The following COL18A1 variants were observed in gnomAD, a reference collection of about 807,000 sequenced individuals.
The protein encoded by COL18A1 is collagen alpha-1(XVIII) chain.
Under a neutral mutation model 168.0 loss-of-function variants are expected in COL18A1, and 133 were observed. The ratio of observed to expected loss-of-function variants is 0.79; its 90% CI spans 0.69 to 0.91. The LOEUF is 0.91. Ranked by LOEUF, COL18A1 falls within the 40% of genes least tolerant of loss-of-function variation. The pLI, the probability that COL18A1 is intolerant of heterozygous loss-of-function variation, is 0.00. For missense variants in COL18A1, 2,126 were observed against 1,925.4 expected (o/e 1.10, Z -1.95); for synonymous variants, 949 against 809.0 (o/e 1.17, Z -2.94).
At chr21:45,454,599 A>G (rs577842199) in intron 2 of COL18A1, among the ~76,000 whole-genome samples, 43 of 152,226 alleles carry the variant, frequency 2.8e-4, no homozygotes, top group Non-Finnish European at 5.7e-4. Flanking sequence ...CGGGGTCACC[A>G]GGCTCATGCC....
Position 45,468,733 on chromosome 21 carries a change from G to A in COL18A1, c.598G>A (p.Gly200Ser), listed in dbSNP as rs370834739. The A allele has an allele frequency of 2.4e-5, 39 of 1,610,974 alleles. No individual in the cohort carries two copies. The highest frequency in any genetic ancestry group is 3.0e-5 in the Non-Finnish European group (35 of 1,179,866). Residue 200 changes from glycine (G) to serine (S), a missense_variant, in exon 3 of 42, where the codon GGC (glycine) becomes AGC (serine). By Grantham distance (56) the Gly-to-Ser change is moderately conservative. Coordinates refer to ENST00000651438, the MANE Select transcript of COL18A1 (RefSeq NM_001379500.1). The part of the protein sequence containing the change: ...RSSRGLELEP[G>S]AGLFVAQAGG... Reference sequence around the variant, plus strand: ...CTCACGGGGCCTGGAGCTGGAGCCTGGCGCCGGGCTCTTCGTGGCTCAGGC... The same window carrying A: ...CTCACGGGGCCTGGAGCTGGAGCCTAGCGCCGGGCTCTTCGTGGCTCAGGC...
At chr21:45,437,643 C>T (rs1437833582) in intron 2 of COL18A1, among the ~76,000 whole-genome samples, 1 of 77,112 alleles carries the variant, frequency 1.3e-5, no homozygotes, top group African/African-American at 7.9e-5. Context: ...CTCACACAGG[C>T]ACTCTCCTGC....
chr21:45,428,176 G>T (rs1206407660), intron 2 of COL18A1, among the ~76,000 whole-genome samples: 1 of 152,218 alleles, frequency 6.6e-6, no homozygotes, highest in Non-Finnish European at 1.5e-5. Context: ...GGCAGGCGGC[G>T]TCTGGGCCTG....
At chr21:45,475,148 GCCTC>G (rs1343359611) in intron 4 of COL18A1, among the ~76,000 whole-genome samples, 6 of 152,230 alleles carry the variant, frequency 3.9e-5, no homozygotes, top group Non-Finnish European at 8.8e-5. Flanking sequence ...CTGCGGTGCG[GCCTC>G]CTCCAGGGCA....
At chr21:45,444,653 G>A (rs534911663) in intron 2 of COL18A1, among the ~76,000 whole-genome samples, 27 of 152,220 alleles carry the variant, frequency 1.8e-4, no homozygotes, top group Middle Eastern at 6.8e-3. Flanking sequence ...AGGCTCCGGG[G>A]AGTGGAGGCT....
chr21:45,493,388 G>A, intron 25 of COL18A1, 113 bp from the exon 26 acceptor site: 1 of 1,295,306 alleles, frequency 7.7e-7, no homozygotes, highest in Non-Finnish European at 1.1e-6. Context: ...CACCTCCCGT[G>A]AAAGGACCCA....
chr21:45,461,369 GGCCCCCGTT>G (rs1188202613), intron 2 of COL18A1, among the ~76,000 whole-genome samples: 5 of 151,908 alleles, frequency 3.3e-5, no homozygotes, highest in Non-Finnish European at 7.4e-5. Flanking sequence ...AAGTCAAGGA[GGCCCCCGTT>G]GCCTATGCAC....
intron 2 of COL18A1, among the ~76,000 whole-genome samples, chr21:45,461,856 T>C (rs1357490474): frequency 1.3e-5 from 2 of 152,230 alleles, no homozygotes; most frequent in Non-Finnish European, 2.9e-5. Flanking sequence ...TTTACCTTTA[T>C]TGAGATCTTC....
Position 45,405,235 on chromosome 21 carries a change from C to A in COL18A1, c.5C>A (p.Ala2Glu), listed in dbSNP as rs1329716693. Residue 2 changes from alanine to glutamate, a missense_variant, in exon 1 of 42, where the codon GCG becomes GAG. Coordinates refer to ENST00000651438, the MANE Select transcript of COL18A1 (RefSeq NM_001379500.1). ...GCTGACGGTCCTGGGGAGAGCATGG[C>A]GCCGAGGTGAGGCCGGGGCTGCGGG... M[A>E]PRCPWPWPRR... is the part of the protein sequence containing the mutation. 2.7e-5 allele frequency: 3 copies of A among 111,926 alleles called. No individual in the cohort carries two copies. The highest frequency in any genetic ancestry group is 4.3e-5 in the Non-Finnish European group (3 of 69,280). 6.9% of individuals were successfully genotyped at this position (111,926 alleles called of 1,614,324 possible). A position where few individuals can be genotyped will look rare whatever the true frequency, so the allele number is the denominator to read the frequency against.
chr21:45,511,278 C>T (rs764190838), intron 41 of COL18A1, 52 bp downstream of exon 41: 7 of 953,220 alleles, frequency 7.3e-6, no homozygotes, highest in Admixed American at 2.0e-5. Flanking sequence ...CCAGGGAAGG[C>T]GGGCGGGCGG....
intron 2 of COL18A1, among the ~76,000 whole-genome samples, chr21:45,462,225 T>G (rs556563639): frequency 2.7e-4 from 41 of 152,362 alleles, no homozygotes; most frequent in African/African-American, 9.9e-4. Flanking sequence ...TTGATGATAA[T>G]GTAACTTGGT....
intron 29 of COL18A1, chr21:45,496,100 T>A (rs370241018): frequency 2.1e-4 from 73 of 353,078 alleles, no homozygotes; most frequent in Middle Eastern, 9.6e-4. Context: ...ATGCCCTCCA[T>A]GCCCTCCATG....
intron 30 of COL18A1, 131 bp downstream of exon 30, chr21:45,496,699 G>A (rs1227413840): frequency 1.8e-5 from 13 of 726,350 alleles, no homozygotes; most frequent in Non-Finnish European, 7.6e-6. Context: ...CAGTCTGGTG[G>A]GCAGTGGATT....
chr21:45,511,127 C>T lies in COL18A1; in HGVS notation c.3710C>T (p.Pro1237Leu), dbSNP rs769908774. ...CTCTTCCAGGACGAGCTGCTGTTTC[C>T]CAGCTGGGAGGCTCTGTTCTCAGGC... ...IVNLKDELLFPSWEALFSGSE... is the reference protein window; with the variant it reads ...IVNLKDELLFLSWEALFSGSE... Residue 1237 changes from proline (P) to leucine (L), a missense_variant, in exon 41 of 42, where the codon CCC becomes CTC. By Grantham distance (98) the Pro-to-Leu change is moderately conservative. Transcript: ENST00000651438. 4 of 1,575,148 alleles carry T rather than the reference C, an allele frequency of 2.5e-6. No homozygotes were observed. Among genetic ancestry groups the T allele is most frequent in the South Asian group, 1.1e-5 (1 of 86,958 alleles).
intron 28 of COL18A1, 98 bp downstream of exon 28, chr21:45,495,013 C>T (rs911257838): frequency 1.3e-4 from 140 of 1,056,406 alleles, no homozygotes; most frequent in Non-Finnish European, 1.8e-4. Context: ...GGGGAGTGGA[C>T]GGCCGCCGCA....
chr21:45,444,988 G>A (rs2034473869), intron 2 of COL18A1, among the ~76,000 whole-genome samples: 1 of 152,200 alleles, frequency 6.6e-6, no homozygotes, highest in South Asian at 2.1e-4. Context: ...TTATTGAGAT[G>A]TAATTCACAT....
chr21:45,513,706 G>A lies in COL18A1; in HGVS notation c.*1308G>A, dbSNP rs943004873. 1.3e-5 allele frequency: 2 copies of A among 152,234 alleles called. No individual in the cohort carries two copies. Among genetic ancestry groups the A allele is most frequent in the African/African-American group, 4.8e-5 (2 of 41,456 alleles). The allele number at this position is 152,234 out of a possible 1,614,324, so 9.4% of individuals were successfully genotyped here. On this transcript the variant is annotated 3_prime_UTR_variant, in exon 42 of 42. Coordinates refer to ENST00000651438, the MANE Select transcript of COL18A1 (RefSeq NM_001379500.1). ...CCAATTCAGACAGGCAAATAAAAGT[G>A]ACCTTTTACACTGACTCTTGGTTTG...
intron 17 of COL18A1, 87 bp from the exon 18 acceptor site, chr21:45,488,331 T>C (rs1258966384): frequency 6.4e-6 from 10 of 1,566,258 alleles, no homozygotes; most frequent in African/African-American, 1.4e-5. Context: ...AAGTCTTGAC[T>C]GTTACTAGCG....
intron 16 of COL18A1, 89 bp downstream of exon 16, chr21:45,487,081 G>A: frequency 7.8e-7 from 1 of 1,284,924 alleles, no homozygotes; most frequent in Non-Finnish European, 1.0e-6. Flanking sequence ...TCACAGAGCA[G>A]CACGTCCTGG....
Sources: allele counts gnomAD v4.1 joint callset (sites outside exome capture counted in the v4.1 genomes callset), GRCh38; gene constraint gnomAD v4.1.1; transcripts MANE v1.5; gene names NCBI Gene and HGNC (gene_info 2026-07-23, HGNC 2026-07-21).